Variants in PLEKHS1 observed in about 807,000 individuals in gnomAD.
PLEKHS1 encodes the protein pleckstrin homology domain containing S1, also known as pleckstrin homology domain-containing family S member 1.
PLEKHS1 carries 55 observed loss-of-function variants against 51.0 expected under a neutral mutation model. That is an observed-to-expected ratio of 1.08 (90% CI 0.87 to 1.35). The LOEUF (loss-of-function observed/expected upper bound fraction) is 1.35. Ranked by LOEUF, PLEKHS1 falls within the 40% of genes most tolerant of loss-of-function variation. PLEKHS1 has a pLI of 0.00. For missense variants in PLEKHS1, 398 were observed against 423.0 expected (o/e 0.94, Z 0.52); for synonymous variants, 153 against 144.8 (o/e 1.06, Z -0.41).
At chr10:113,782,218 G>A (rs570898355) in exon 12 of PLEKHS1, 3 of 152,230 alleles carry the variant, frequency 2.0e-5, no homozygotes, top group African/African-American at 4.8e-5. Flanking sequence ...GCGATGAAAG[G>A]CATATTTTCT....
At position 113,777,499 on chromosome 10, in the gene PLEKHS1, G is replaced by C. The variant is rs377347617; in HGVS notation, c.1091+1633G>C. 4.5e-6 allele frequency: 7 copies of C among 1,569,942 alleles called. No homozygotes were observed. In the African/African-American group the frequency reaches 6.8e-5, roughly 15 times the overall value. ...CACCTGGGTTCAGGACCTCAGATCG[G>C]CATGATGTAGCAAAAAGAGCTTGCA... On this transcript the variant is annotated intron_variant, in intron 11 of 11. Transcript: ENST00000361048.
At chr10:113,779,880 T>A (rs1046431883) in intron 11 of PLEKHS1, among the ~76,000 whole-genome samples, 2 of 152,258 alleles carry the variant, frequency 1.3e-5, no homozygotes, top group African/African-American at 4.8e-5. Context: ...TCTTCATGAT[T>A]ATCTGGAAGA....
chr10:113,759,128 G>A (rs752259762), intron 2 of PLEKHS1, among the ~76,000 whole-genome samples: 5 of 152,224 alleles, frequency 3.3e-5, no homozygotes, highest in Admixed American at 6.5e-5. Flanking sequence ...ATGTGGCCGG[G>A]TGCGGTGGCT....
At chr10:113,755,200 G>T in intron 1 of PLEKHS1, 59 bp from the exon 2 acceptor site, 1 of 1,533,408 alleles carries the variant, frequency 6.5e-7, no homozygotes, top group Non-Finnish European at 8.8e-7. Context: ...AGCGGTGGCT[G>T]GTCAATGAAA....
chr10:113,758,985 G>C (rs904128336), intron 2 of PLEKHS1, among the ~76,000 whole-genome samples: 5 of 151,952 alleles, frequency 3.3e-5, no homozygotes, highest in Non-Finnish European at 7.4e-5. Context: ...CTCAGTGCAG[G>C]GTTGCCATAA....
intron 2 of PLEKHS1, among the ~76,000 whole-genome samples, chr10:113,762,365 C>CTTTTTTTT (rs34457408): frequency 3.2e-5 from 2 of 61,768 alleles, no homozygotes; most frequent in African/African-American, 6.0e-5. Context: ...AGATTTGTTC[C>CTTTTTTTT]TTTTTTTTTT....
intron 2 of PLEKHS1, among the ~76,000 whole-genome samples, chr10:113,760,662 T>C (rs1201914010): frequency 6.6e-6 from 1 of 152,166 alleles, no homozygotes; most frequent in East Asian, 1.9e-4. Flanking sequence ...TTGAGTTGTT[T>C]GTCTTTTTGT....
chr10:113,759,062 A>G (rs1843801119), intron 2 of PLEKHS1, among the ~76,000 whole-genome samples: 1 of 152,192 alleles, frequency 6.6e-6, no homozygotes, highest in Non-Finnish European at 1.5e-5. Flanking sequence ...GTGCAACAAA[A>G]TGAGGTCTGC....
At chr10:113,772,696 A>C (rs1844466412) in intron 8 of PLEKHS1, among the ~76,000 whole-genome samples, 1 of 152,216 alleles carries the variant, frequency 6.6e-6, no homozygotes. Context: ...CAATAGAAAA[A>C]GAACAGATTT....
At chr10:113,770,006 A>G in intron 7 of PLEKHS1, 106 bp downstream of exon 7, 1 of 805,960 alleles carries the variant, frequency 1.2e-6, no homozygotes, top group Non-Finnish European at 2.2e-6. Flanking sequence ...CCTTCCTCAA[A>G]GCCCGATGCA....
chr10:113,759,546 T>C (rs1039189728), intron 2 of PLEKHS1, among the ~76,000 whole-genome samples: 1 of 152,236 alleles, frequency 6.6e-6, no homozygotes, highest in Admixed American at 6.5e-5. Flanking sequence ...CACCCTTTTG[T>C]CTGACTTTTT....
At chr10:113,766,629 G>A (rs769171705) in exon 4 of PLEKHS1, 1 of 1,609,398 alleles carries the variant, frequency 6.2e-7, no homozygotes, top group Admixed American at 1.7e-5. Flanking sequence ...GGAAAAAGCG[G>A]TTTTTCATCC....
In PLEKHS1 at chr10:113,778,643, C is replaced by CT. The variant is rs55821501; in HGVS notation, c.*-1941dup. ...GGGCAAGTACACATTCGTTCACTTT[C>CT]TTTTTTTTTTTTTTTTTTGAGACGG... is the stretch of plus-strand genomic sequence containing the variant. On this transcript the variant is annotated intron_variant, in intron 11 of 11. Coordinates refer to ENST00000361048, the Ensembl canonical transcript of PLEKHS1. Among the ~76,000 whole-genome samples, 1,110 of 127,088 alleles carry CT rather than the reference C, an allele frequency of 8.7e-3. 25 individuals carry two copies. The highest frequency in any genetic ancestry group is 0.024 in the African/African-American group (853 of 35,086). 83.4% of individuals were successfully genotyped at this position (127,088 alleles called of 152,430 possible). A position where few individuals can be genotyped will look rare whatever the true frequency, so the allele number is the denominator to read the frequency against.
chr10:113,761,089 A>G (rs1843902233), intron 2 of PLEKHS1, among the ~76,000 whole-genome samples: 1 of 152,152 alleles, frequency 6.6e-6, no homozygotes, highest in Non-Finnish European at 1.5e-5. Flanking sequence ...GGCCGTGACC[A>G]CTAATGTATG....
chr10:113,768,776 G>GT, intron 5 of PLEKHS1, 39 bp from the exon 6 acceptor site: 1 of 1,522,174 alleles, frequency 6.6e-7, no homozygotes, highest in African/African-American at 1.4e-5. Flanking sequence ...AGGCACTATT[G>GT]TTGCCACATG....
chr10:113,777,557 G>C (rs1234798575), intron 11 of PLEKHS1: 4 of 1,551,190 alleles, frequency 2.6e-6, no homozygotes, highest in East Asian at 2.4e-5. Context: ...TTCCAAAACA[G>C]CTCCTTCAAC....
intron 11 of PLEKHS1, among the ~76,000 whole-genome samples, chr10:113,778,395 T>C (rs936605770): frequency 5.9e-5 from 9 of 152,232 alleles, no homozygotes; most frequent in Non-Finnish European, 1.0e-4. Context: ...TTCAAATTTC[T>C]GAAAACCATT....
chr10:113,759,617 A>C (rs535431509), intron 2 of PLEKHS1, among the ~76,000 whole-genome samples: 1 of 152,298 alleles, frequency 6.6e-6, no homozygotes, highest in South Asian at 2.1e-4. Context: ...TAGTGCAAAA[A>C]TAGTTCATTT....
chr10:113,758,870 T>C (rs1392136114), intron 2 of PLEKHS1, among the ~76,000 whole-genome samples: 1 of 152,072 alleles, frequency 6.6e-6, no homozygotes, highest in Non-Finnish European at 1.5e-5. Flanking sequence ...CTCTAATAGA[T>C]ATGATGATGA....
Sources: allele counts gnomAD v4.1 joint callset (sites outside exome capture counted in the v4.1 genomes callset), GRCh38; gene constraint gnomAD v4.1.1; transcripts MANE v1.5; gene names NCBI Gene and HGNC (gene_info 2026-07-23, HGNC 2026-07-21).